Variants in PLEKHA7 observed in about 807,000 individuals in gnomAD.
PLEKHA7 encodes the protein pleckstrin homology domain containing A7.
PLEKHA7 carries 104 observed loss-of-function variants against 170.0 expected under a neutral mutation model. The observed-to-expected ratio is 0.61, with a 90% CI of 0.52 to 0.72. PLEKHA7 has a LOEUF of 0.72. Ranked by LOEUF, PLEKHA7 falls within the 30% of genes least tolerant of loss-of-function variation. The probability of loss-of-function intolerance (pLI) is 0.00; values close to 1 mark genes in which losing one functional copy is unlikely to be tolerated. For missense variants in PLEKHA7, 1,615 were observed against 1,671.7 expected (o/e 0.97, Z 0.59); for synonymous variants, 648 against 660.8 (o/e 0.98, Z 0.30).
chr11:16,789,662 A>G lies in PLEKHA7; in HGVS notation c.3156+113T>C. On this transcript the variant is annotated intron_variant, in intron 22 of 26. Transcript: ENST00000531066. This position sits in a 1 kb window ranked among gnomAD's most constrained non-coding sequence, Gnocchi z 4.6. ...AGGGAGCTCAGGAGGGGCTGAGGCC[A>G]CCCCAGAGGCCATCCCCAGGGCTGA... is the stretch of plus-strand genomic sequence containing the variant. 2 of 919,792 alleles carry G rather than the reference A, an allele frequency of 2.2e-6. No individual in the cohort carries two copies. The highest frequency in any genetic ancestry group is 1.7e-5 in the South Asian group (1 of 59,614). 57.0% of individuals were successfully genotyped at this position (919,792 alleles called of 1,614,324 possible).
chr11:16,920,677 G>C (rs1275061100), intron 3 of PLEKHA7, among the ~76,000 whole-genome samples: 2 of 152,186 alleles, frequency 1.3e-5, no homozygotes, highest in Non-Finnish European at 2.9e-5. Flanking sequence ...TTACATATCT[G>C]ACTACCTGAC....
At chr11:16,960,560 T>C (rs1861994864) in intron 3 of PLEKHA7, among the ~76,000 whole-genome samples, 1 of 152,028 alleles carries the variant, frequency 6.6e-6, no homozygotes, top group Non-Finnish European at 1.5e-5. Context: ...GGCCCTTCCC[T>C]CATCTGTGAC....
At chr11:16,779,864 C>T (rs1564894727) in intron 26 of PLEKHA7, among the ~76,000 whole-genome samples, 1 of 152,142 alleles carries the variant, frequency 6.6e-6, no homozygotes, top group Admixed American at 6.5e-5. Context: ...TGATGGGGAA[C>T]AAAGGCTCTG....
At chr11:16,875,168 T>C (rs942060010) in intron 3 of PLEKHA7, among the ~76,000 whole-genome samples, 2 of 152,200 alleles carry the variant, frequency 1.3e-5, no homozygotes, top group African/African-American at 4.8e-5. Flanking sequence ...CACAGCATCA[T>C]CACCACCACC....
In PLEKHA7 at chr11:16,864,223, C is replaced by T. The variant is rs576322510; in HGVS notation, c.305+6876G>A. ...TGTGACCTTTGGCAAGACTCTTAAC[C>T]TCTCTGTGCCTTAGTATTCATGATA... On this transcript the variant is annotated intron_variant, in intron 4 of 26. Transcript: ENST00000531066. 1.4e-4 allele frequency among the ~76,000 whole-genome samples: 22 copies of T among 152,260 alleles called. No individual in the cohort carries two copies. The South Asian group carries it at 4.6e-3, about 32-fold the overall frequency.
chr11:16,899,132 T>A (rs1158723179), intron 3 of PLEKHA7, among the ~76,000 whole-genome samples: 1 of 152,236 alleles, frequency 6.6e-6, no homozygotes, highest in Non-Finnish European at 1.5e-5. Flanking sequence ...TCTTGGATGG[T>A]GTTTTCTAGA....
At chr11:17,012,634 C>T (rs1865386526) in intron 3 of PLEKHA7, among the ~76,000 whole-genome samples, 1 of 152,178 alleles carries the variant, frequency 6.6e-6, no homozygotes, top group East Asian at 1.9e-4. Context: ...CTTCCCTCTC[C>T]TATTAGATTG....
chr11:16,919,687 AAAG>A (rs1858945785), intron 3 of PLEKHA7, among the ~76,000 whole-genome samples: 1 of 152,166 alleles, frequency 6.6e-6, no homozygotes, highest in African/African-American at 2.4e-5. Context: ...TTTGAGAAAA[AAAG>A]AAAGTAAAAA....
Position 16,810,257 on chromosome 11 carries a change from C to T in PLEKHA7, c.2007+2856G>A, listed in dbSNP as rs75295859. ...GTGGTTCTGCAAGCCGTCAATACCTCTCCCCTGATTCCAGCCCTTCCTTCA... is the reference window on the plus strand; with the variant it reads ...GTGGTTCTGCAAGCCGTCAATACCTTTCCCCTGATTCCAGCCCTTCCTTCA... On this transcript the variant is annotated intron_variant, in intron 13 of 26. Coordinates refer to ENST00000531066, the MANE Select transcript of PLEKHA7 (RefSeq NM_001329630.2). Among the ~76,000 whole-genome samples the T allele has an allele frequency of 5.2e-3, 786 of 152,342 alleles. 6 individuals carry two copies. The highest frequency in any genetic ancestry group is 0.018 in the African/African-American group (738 of 41,572).
intron 3 of PLEKHA7, among the ~76,000 whole-genome samples, chr11:16,875,455 T>TC (rs397717001): frequency 6.6e-6 from 1 of 151,568 alleles, no homozygotes; most frequent in Non-Finnish European, 1.5e-5. Flanking sequence ...CCTTTTTTTT[T>TC]CTTTTGTTTG....
chr11:17,013,824 C>T (rs1247587338), intron 3 of PLEKHA7, among the ~76,000 whole-genome samples, 165 bp downstream of exon 3: 1 of 152,204 alleles, frequency 6.6e-6, no homozygotes, highest in Non-Finnish European at 1.5e-5. Context: ...TCTCGGAGGC[C>T]GCCAAACAAC....
intron 3 of PLEKHA7, among the ~76,000 whole-genome samples, chr11:16,970,056 G>T (rs933311832): frequency 2.0e-5 from 3 of 152,240 alleles, no homozygotes; most frequent in Non-Finnish European, 2.9e-5. Flanking sequence ...CCACATGGGA[G>T]CCTCTTCAAA....
Position 16,778,451 on chromosome 11 carries a change from A to AGC in PLEKHA7, c.*545_*546dup, listed in dbSNP as rs1194934167. The AGC allele has an allele frequency of 6.2e-6, 1 of 161,424 alleles. No homozygotes were observed. The highest frequency in any genetic ancestry group is 1.4e-5 in the Non-Finnish European group (1 of 72,982). The allele number at this position is 161,424 out of a possible 1,614,324, so 10.0% of individuals were successfully genotyped here. ...GTGATCCTCGTGGAGTTTCACACAGAGCTGGTCATCAGGTCAGGGACAGCT... is the reference window on the plus strand; with the variant it reads ...GTGATCCTCGTGGAGTTTCACACAGAGCGCTGGTCATCAGGTCAGGGACAGCT... On this transcript the variant is annotated 3_prime_UTR_variant, in exon 27 of 27. Transcript: ENST00000531066.
At chr11:16,929,961 G>A (rs568157032) in intron 3 of PLEKHA7, among the ~76,000 whole-genome samples, 5 of 151,880 alleles carry the variant, frequency 3.3e-5, no homozygotes, top group Admixed American at 2.0e-4. Flanking sequence ...CTGAGATTGC[G>A]CCACTGCACT....
intron 3 of PLEKHA7, among the ~76,000 whole-genome samples, chr11:16,942,202 G>A (rs1860743604): frequency 6.6e-6 from 1 of 152,214 alleles, no homozygotes; most frequent in Admixed American, 6.5e-5. Flanking sequence ...AACTTGGGGG[G>A]TCAGATTTTG....
At chr11:16,877,254 C>A (rs1855371281) in intron 3 of PLEKHA7, among the ~76,000 whole-genome samples, 1 of 152,286 alleles carries the variant, frequency 6.6e-6, no homozygotes, top group East Asian at 1.9e-4. Context: ...CACTTACTAT[C>A]TTTGTTCTAA....
chr11:16,998,748 C>T (rs1864490972), intron 3 of PLEKHA7, among the ~76,000 whole-genome samples: 1 of 152,076 alleles, frequency 6.6e-6, no homozygotes, highest in Non-Finnish European at 1.5e-5. Context: ...CCACCAATTA[C>T]ATCTAGAAAT....
At chr11:16,798,470 GA>G (rs148981232) in intron 17 of PLEKHA7, among the ~76,000 whole-genome samples, 5,878 of 143,724 alleles carry the variant, frequency 0.041, 174 homozygotes, top group Non-Finnish European at 0.063. Context: ...AGGGAAGGGG[GA>G]AAAAAAAAAG....
In PLEKHA7 at chr11:16,794,657, T is replaced by G. The variant is rs112577385; in HGVS notation, c.2576A>C (p.Glu859Ala). The change falls in exon 19 of 27, where the codon GAG becomes GCG. Residue 859 changes from glutamate (E) to alanine (A), a missense_variant. Transcript: ENST00000531066. ...HPPVPSLSTS[E>A]SKPPPQPSPP... is the part of the protein sequence containing the mutation. ...ACTGGGCTGTGGGGGCGGCTTGCTC[T>G]CAGAAGTTGAGAGTGAAGGCACAGG... 1.9e-6 allele frequency: 3 copies of G among 1,613,956 alleles called. No individual in the cohort carries two copies. Among genetic ancestry groups the G allele is most frequent in the African/African-American group, 1.3e-5 (1 of 74,986 alleles).
Sources: gnomAD v4.1 joint callset for allele counts (sites outside exome capture counted in the v4.1 genomes callset) on GRCh38, gnomAD v4.1.1 for gene constraint, Gnocchi (gnomAD v3.1) non-coding constraint, MANE v1.5 for transcripts, NCBI Gene and HGNC (gene_info 2026-07-23, HGNC 2026-07-21) for gene names.